The following GRK3 variants were observed in gnomAD, a reference collection of about 807,000 sequenced individuals.
GRK3 encodes the protein G protein-coupled receptor kinase 3, also known as adrenergic, beta, receptor kinase 2.
In GRK3, 54 loss-of-function variants were observed where a neutral mutation model predicts 95.7. That is an observed-to-expected ratio of 0.56 (90% CI 0.45 to 0.71). GRK3 has a LOEUF of 0.71. GRK3 is among the 30% of genes least tolerant of loss of function. The pLI is 0.00. For synonymous variants in GRK3, 281 were observed against 290.8 expected (o/e 0.97, Z 0.34); for missense variants, 649 against 851.2 (o/e 0.76, Z 2.96).
chr22:25,670,216 G>A (rs912028265), intron 6 of GRK3, among the ~76,000 whole-genome samples: 5 of 152,122 alleles, frequency 3.3e-5, no homozygotes, highest in African/African-American at 2.4e-5. Flanking sequence ...TCTATTGGTC[G>A]GGTGTGGTGG....
intron 2 of GRK3, among the ~76,000 whole-genome samples, chr22:25,636,890 A>G (rs1390781602): frequency 6.6e-6 from 1 of 152,202 alleles, no homozygotes; most frequent in African/African-American, 2.4e-5. Context: ...TTCGTAGTCA[A>G]CCTGGCTACG....
intron 13 of GRK3, among the ~76,000 whole-genome samples, chr22:25,698,078 GAGGGAGGA>G (rs1293966648): frequency 6.6e-6 from 1 of 151,276 alleles, no homozygotes; most frequent in Non-Finnish European, 1.5e-5. Context: ...AAAGGAGAGG[GAGGGAGGA>G]AGGGAGGAAG....
chr22:25,703,115 A>G (rs933839527), intron 13 of GRK3: 1 of 290,216 alleles, frequency 3.4e-6, no homozygotes, highest in South Asian at 3.2e-5. Flanking sequence ...AGGGACCAAT[A>G]TCCATTTTTC....
intron 1 of GRK3, among the ~76,000 whole-genome samples, chr22:25,586,316 G>T (rs1932301882): frequency 1.3e-5 from 2 of 152,288 alleles, no homozygotes; most frequent in South Asian, 4.1e-4. Context: ...ACACAACAGA[G>T]TGACTATAGT....
chr22:25,674,827 T>TA (rs907702474), intron 8 of GRK3, among the ~76,000 whole-genome samples: 2 of 152,068 alleles, frequency 1.3e-5, no homozygotes, highest in African/African-American at 4.8e-5. Flanking sequence ...CGGGCGCCTA[T>TA]AGTCCCAGCT....
chr22:25,600,655 A>G (rs753056727), intron 1 of GRK3, among the ~76,000 whole-genome samples: 2 of 152,184 alleles, frequency 1.3e-5, no homozygotes, highest in Non-Finnish European at 2.9e-5. Flanking sequence ...TGCTCTGTAG[A>G]TACTACCCCA....
chr22:25,602,168 C>T (rs2084413810), intron 1 of GRK3, among the ~76,000 whole-genome samples: 1 of 152,208 alleles, frequency 6.6e-6, no homozygotes, highest in African/African-American at 2.4e-5. Flanking sequence ...TTTGTCTACA[C>T]ACCTCTAAAA....
chr22:25,567,660 A>G (rs931357330), intron 1 of GRK3, among the ~76,000 whole-genome samples: 2 of 152,210 alleles, frequency 1.3e-5, no homozygotes, highest in Non-Finnish European at 2.9e-5. Context: ...AGATGTTCAG[A>G]TTTGTATTTT....
At position 25,644,345 on chromosome 22, in the gene GRK3, G is replaced by T. The variant is rs557751163; in HGVS notation, c.191-247G>T. Among the ~76,000 whole-genome samples the T allele has an allele frequency of 4.6e-5, 7 of 152,100 alleles. No homozygotes were observed. In the East Asian group the frequency reaches 5.8e-4, roughly 13 times the overall value. On this transcript the variant is annotated intron_variant, in intron 2 of 20. Transcript: ENST00000324198. ...GTCGTATCATACTTTTGTGGAAAGT[G>T]GGGGGCGGGGGTGAACATGAATAGA...
At chr22:25,616,178 G>A (rs1366449882) in intron 2 of GRK3, among the ~76,000 whole-genome samples, 1 of 152,174 alleles carries the variant, frequency 6.6e-6, no homozygotes, top group Non-Finnish European at 1.5e-5. Flanking sequence ...GGAGGCATGG[G>A]CCAGGGAGGT....
intron 12 of GRK3, among the ~76,000 whole-genome samples, chr22:25,692,159 G>A (rs1384240638): frequency 6.6e-6 from 1 of 151,932 alleles, no homozygotes; most frequent in Non-Finnish European, 1.5e-5. Context: ...TTAAAGACGG[G>A]GTCTCCCAAT....
intron 13 of GRK3, 80 bp downstream of exon 13, chr22:25,695,294 C>A: frequency 1.1e-6 from 1 of 951,704 alleles, no homozygotes; most frequent in Non-Finnish European, 1.7e-6. Flanking sequence ...GTAGAAATGA[C>A]TAGACGCTAA....
intron 1 of GRK3, among the ~76,000 whole-genome samples, chr22:25,582,975 A>T (rs1015264216): frequency 2.0e-5 from 3 of 152,248 alleles, no homozygotes; most frequent in Admixed American, 6.5e-5. Context: ...GAGATCTCAG[A>T]ATCCAAATTA....
At chr22:25,628,880 G>A (rs528470803) in intron 2 of GRK3, among the ~76,000 whole-genome samples, 3 of 152,142 alleles carry the variant, frequency 2.0e-5, no homozygotes, top group Middle Eastern at 3.4e-3. Context: ...CTGTCACATC[G>A]ATTTCTTAAC....
intron 3 of GRK3, among the ~76,000 whole-genome samples, chr22:25,652,539 G>A (rs1469618840): frequency 6.6e-6 from 1 of 152,072 alleles, no homozygotes; most frequent in Non-Finnish European, 1.5e-5. Flanking sequence ...ATGCAGGGGA[G>A]GTTAATGAAG....
At chr22:25,703,627 C>A in intron 14 of GRK3, 51 bp downstream of exon 14, 1 of 1,268,152 alleles carries the variant, frequency 7.9e-7, no homozygotes, top group South Asian at 1.3e-5. Context: ...TGTCATGCTT[C>A]ATTCCGTCAA....
chr22:25,565,080 C>A lies in GRK3; in HGVS notation c.40C>A (p.Leu14Met), dbSNP rs770531658. 3 of 1,542,190 alleles carry A rather than the reference C, an allele frequency of 1.9e-6. No homozygotes were observed. The highest frequency in any genetic ancestry group is 2.6e-6 in the Non-Finnish European group (3 of 1,148,176). The change falls in exon 1 of 21, where the codon CTG (leucine) becomes ATG (methionine). Residue 14 changes from leucine to methionine, a missense_variant. This residue lies in a region of GRK3 where 206 missense variants were observed against 231.4 expected (regional missense o/e 0.89). Transcript: ENST00000324198. The stretch of plus-strand genomic sequence containing the variant: ...GGCTGTGCTGGCCGATGTCAGTTAC[C>A]TGATGGCCATGGAGAAGAGCAAGGC... ...LEAVLADVSY[L>M]MAMEKSKATP...
intron 1 of GRK3, among the ~76,000 whole-genome samples, chr22:25,590,006 C>A (rs1215753083): frequency 1.3e-5 from 2 of 152,106 alleles, no homozygotes; most frequent in East Asian, 3.8e-4. Flanking sequence ...CCACTGGGTC[C>A]CTCCCTCAAC....
rs1164543658 is a variant in GRK3, at chr22:25,727,888, G to T, written c.*5438G>T. ...TATGTGGTTTATAAGCTCAACACTG[G>T]CCATTTTTTTAGTTTTATTGTTAAA... is the stretch of plus-strand genomic sequence containing the variant. On this transcript the variant is annotated 3_prime_UTR_variant, in exon 21 of 21. Coordinates refer to ENST00000324198, the MANE Select transcript of GRK3 (RefSeq NM_005160.4). 1 of 151,986 alleles carries T rather than the reference G, an allele frequency of 6.6e-6. No homozygotes were observed. The highest frequency in any genetic ancestry group is 1.5e-5 in the Non-Finnish European group (1 of 67,984). 9.4% of individuals were successfully genotyped at this position (151,986 alleles called of 1,614,324 possible). A position where few individuals can be genotyped will look rare whatever the true frequency, so the allele number is the denominator to read the frequency against.
Sources: allele counts gnomAD v4.1 joint callset (sites outside exome capture counted in the v4.1 genomes callset), GRCh38; gene constraint gnomAD v4.1.1; regional missense constraint gnomAD v4.1.1; transcripts MANE v1.5; gene names NCBI Gene and HGNC (gene_info 2026-07-23, HGNC 2026-07-21).